PAFAH1B1: variants seen among roughly 807,000 people sequenced by gnomAD.
PAFAH1B1 encodes platelet activating factor acetylhydrolase 1b regulatory subunit 1.
In PAFAH1B1, 2 loss-of-function variants were observed where a neutral mutation model predicts 57.5. That is an observed-to-expected ratio of 0.03 (90% CI 0.01 to 0.11). The LOEUF (loss-of-function observed/expected upper bound fraction) is 0.11. Among genes scored for constraint, PAFAH1B1 ranks in the 10% least tolerant of loss-of-function variants. The pLI is 1.00. For synonymous variants in PAFAH1B1, 152 were observed against 169.6 expected, an observed-to-expected ratio of 0.90 and a Z score of 0.81; for missense variants, 257 against 512.0, an observed-to-expected ratio of 0.50 and a Z score of 4.81.
chr17:2,661,718 C>T (rs1266067276), intron 2 of PAFAH1B1, among the ~76,000 whole-genome samples: 1 of 152,064 alleles, frequency 6.6e-6, no homozygotes, highest in Non-Finnish European at 1.5e-5. Flanking sequence ...CTTGTTTTTT[C>T]TTCATATGAG....
chr17:2,597,889 GTTA>G, intron 1 of PAFAH1B1, among the ~76,000 whole-genome samples: 1 of 151,936 alleles, frequency 6.6e-6, no homozygotes, highest in Non-Finnish European at 1.5e-5. Context: ...TGTGGTTCAT[GTTA>G]TTCATAATTT....
At chr17:2,606,323 T>C (rs1292551416) in intron 1 of PAFAH1B1, among the ~76,000 whole-genome samples, 1 of 152,202 alleles carries the variant, frequency 6.6e-6, no homozygotes, top group Non-Finnish European at 1.5e-5. Context: ...AAGCCTATCA[T>C]GAGACCTATG....
chr17:2,641,861 T>A (rs1163605057), intron 2 of PAFAH1B1: 2 of 152,190 alleles, frequency 1.3e-5, no homozygotes, highest in Non-Finnish European at 2.9e-5. Context: ...ACTGACACCC[T>A]AGTATACACA....
chr17:2,664,665 G>GCGCGCTCGCTCTCTCT, intron 2 of PAFAH1B1, among the ~76,000 whole-genome samples: 2 of 86,028 alleles, frequency 2.3e-5, no homozygotes, highest in African/African-American at 7.8e-5. Flanking sequence ...TCTATCTATC[G>GCGCGCTCGCTCTCTCT]CTCTCTCTCT....
chr17:2,626,609 C>T (rs1161093497), intron 1 of PAFAH1B1, among the ~76,000 whole-genome samples: 1 of 127,092 alleles, frequency 7.9e-6, no homozygotes, highest in African/African-American at 2.8e-5. Flanking sequence ...AGCTGGAGTG[C>T]AGTGGCGCGA....
Position 2,593,710 on chromosome 17 carries a change from A to G in PAFAH1B1, c.-487A>G. The stretch of plus-strand genomic sequence containing the variant: ...AGTCCGGCGGCCGGGAGAGCGAGTG[A>G]GCGAGCGGAGGAGCAGCGACACGGG... On this transcript the variant is annotated 5_prime_UTR_variant, in exon 1 of 11. Transcript: ENST00000397195. The G allele has an allele frequency of 3.7e-6, 1 of 271,102 alleles. No homozygotes were observed. Among genetic ancestry groups the G allele is most frequent in the Non-Finnish European group, 6.9e-6 (1 of 145,698 alleles). The allele number at this position is 271,102 out of a possible 1,614,324, so 16.8% of individuals were successfully genotyped here. A position where few individuals can be genotyped will look rare whatever the true frequency, so the allele number is the denominator to read the frequency against.
At chr17:2,595,931 G>A (rs2068080256) in intron 1 of PAFAH1B1, among the ~76,000 whole-genome samples, 1 of 152,178 alleles carries the variant, frequency 6.6e-6, no homozygotes, top group South Asian at 2.1e-4. Flanking sequence ...CGAGAAGACT[G>A]GGTGGAGTAA....
rs2068853493 is a variant in PAFAH1B1, at chr17:2,651,791, T to C, written c.32+13471T>C. Among the ~76,000 whole-genome samples, 3 of 152,170 alleles carry C rather than the reference T, an allele frequency of 2.0e-5. No individual in the cohort carries two copies. In the South Asian group the frequency reaches 6.2e-4, roughly 32 times the overall value. ...GCCTTTCCCCAGTTTCCCCTACTGT[T>C]AACATCTCACATTTATGTGGTGTAT... On this transcript the variant is annotated intron_variant, in intron 2 of 10. Coordinates refer to ENST00000397195, the MANE Select transcript of PAFAH1B1 (RefSeq NM_000430.4).
chr17:2,674,384 T>C lies in PAFAH1B1; in HGVS notation c.900+96T>C. The stretch of plus-strand genomic sequence containing the variant: ...CCCTGTTTCAGGGCTGTTAATGCAT[T>C]TAAAAATCTGCATCCAGCAATTCTG... On this transcript the variant is annotated intron_variant, in intron 8 of 10. Transcript: ENST00000397195. 3.5e-6 allele frequency: 3 copies of C among 865,974 alleles called. No individual in the cohort carries two copies. The East Asian group carries it at 7.6e-5, about 22-fold the overall frequency. 53.6% of individuals were successfully genotyped at this position (865,974 alleles called of 1,614,324 possible).
At chr17:2,668,371 A>G (rs1434541247) in intron 5 of PAFAH1B1, among the ~76,000 whole-genome samples, 1 of 151,990 alleles carries the variant, frequency 6.6e-6, no homozygotes, top group Non-Finnish European at 1.5e-5. Flanking sequence ...TGGCCTTACT[A>G]CTAACAGCAG....
intron 2 of PAFAH1B1, among the ~76,000 whole-genome samples, chr17:2,655,774 C>A (rs1392043132): frequency 6.6e-6 from 1 of 150,990 alleles, no homozygotes; most frequent in Non-Finnish European, 1.5e-5. Flanking sequence ...TCACATTACC[C>A]GACCGATGTG....
chr17:2,600,206 A>G (rs1011864957), intron 1 of PAFAH1B1, among the ~76,000 whole-genome samples: 27 of 151,942 alleles, frequency 1.8e-4, no homozygotes, highest in African/African-American at 6.0e-4. Flanking sequence ...TTGGCCTCCC[A>G]AAGTGCTGGG....
At chr17:2,609,300 G>A (rs941330171) in intron 1 of PAFAH1B1, among the ~76,000 whole-genome samples, 6 of 152,100 alleles carry the variant, frequency 3.9e-5, no homozygotes, top group East Asian at 1.9e-4. Flanking sequence ...ATGAGCCACC[G>A]CGCCCGGCTC....
intron 9 of PAFAH1B1, 118 bp from the exon 10 acceptor site, chr17:2,680,046 T>C: frequency 2.1e-6 from 2 of 950,412 alleles, no homozygotes; most frequent in Non-Finnish European, 3.4e-6. Context: ...TCCCCTAGAC[T>C]TTTATTTTCT....
intron 1 of PAFAH1B1, among the ~76,000 whole-genome samples, chr17:2,622,243 C>T (rs2068434143): frequency 6.6e-6 from 1 of 152,110 alleles, no homozygotes; most frequent in Non-Finnish European, 1.5e-5. Context: ...AGCAGTCCTG[C>T]AAAGTCTTAA....
At chr17:2,674,338 C>A in intron 8 of PAFAH1B1, 50 bp downstream of exon 8, 7 of 1,376,958 alleles carry the variant, frequency 5.1e-6, no homozygotes, top group Non-Finnish European at 6.2e-6. Flanking sequence ...TATCTGAAGT[C>A]CTTAGATAAC....
chr17:2,664,873 T>C (rs1164750855), intron 2 of PAFAH1B1, among the ~76,000 whole-genome samples: 1 of 152,134 alleles, frequency 6.6e-6, no homozygotes, highest in African/African-American at 2.4e-5. Context: ...GTATGATTGC[T>C]TTTTTTCACC....
chr17:2,668,774 G>C (rs977493223), intron 5 of PAFAH1B1, among the ~76,000 whole-genome samples: 2 of 152,048 alleles, frequency 1.3e-5, no homozygotes, highest in Non-Finnish European at 2.9e-5. Context: ...AGGAGATCGA[G>C]ACCATCCTGG....
intron 1 of PAFAH1B1, among the ~76,000 whole-genome samples, chr17:2,622,311 A>T (rs1203502126): frequency 6.6e-6 from 1 of 152,190 alleles, no homozygotes; most frequent in Non-Finnish European, 1.5e-5. Context: ...AGACAAGGCA[A>T]GTCCCTTCTG....
Sources: allele counts gnomAD v4.1 joint callset (sites outside exome capture counted in the v4.1 genomes callset), GRCh38; gene constraint gnomAD v4.1.1; transcripts MANE v1.5; gene names NCBI Gene and HGNC (gene_info 2026-07-23, HGNC 2026-07-21).